The following CDH13 variants were observed in gnomAD, a reference collection of about 807,000 sequenced individuals.
CDH13 encodes cadherin 13, also known as cadherin-13.
Under a neutral mutation model 63.8 loss-of-function variants are expected in CDH13, and 24 were observed. The observed-to-expected ratio is 0.38, with a 90% CI of 0.27 to 0.53. CDH13 has a LOEUF of 0.53. Ranked by LOEUF, CDH13 falls within the 20% of genes least tolerant of loss-of-function variation. CDH13 has a pLI of 0.85. For missense variants in CDH13, 1,049 were observed against 903.1 expected (o/e 1.16, Z -2.07); for synonymous variants, 503 against 355.3 (o/e 1.42, Z -4.67).
intron 2 of CDH13, among the ~76,000 whole-genome samples, chr16:82,938,032 T>G (rs2042722844): frequency 6.6e-6 from 1 of 152,152 alleles, no homozygotes; most frequent in South Asian, 2.1e-4. Context: ...ATTGTTTAAT[T>G]GAAAGAAGAA....
At chr16:83,516,684 C>G (rs536640083) in intron 7 of CDH13, among the ~76,000 whole-genome samples, 1 of 152,224 alleles carries the variant, frequency 6.6e-6, no homozygotes, top group African/African-American at 2.4e-5. Context: ...TAAGTACCTA[C>G]TCTCTTCCAG....
intron 2 of CDH13, among the ~76,000 whole-genome samples, chr16:82,870,303 A>G (rs563326979): frequency 1.3e-5 from 2 of 152,326 alleles, no homozygotes; most frequent in East Asian, 3.9e-4. Context: ...TTTATCCAAA[A>G]GACGGGCAAT....
chr16:83,441,676 T>C (rs1337158714), intron 6 of CDH13, among the ~76,000 whole-genome samples: 1 of 152,092 alleles, frequency 6.6e-6, no homozygotes, highest in Non-Finnish European at 1.5e-5. Flanking sequence ...GCCACCAAGA[T>C]GTCAGTTAGC....
chr16:82,828,716 ACATT>A (rs1469128451), intron 1 of CDH13, among the ~76,000 whole-genome samples: 2 of 152,150 alleles, frequency 1.3e-5, no homozygotes, highest in African/African-American at 2.4e-5. Flanking sequence ...ATACACACAC[ACATT>A]CAAAGAAAAA....
At chr16:83,519,064 C>G (rs994289169) in intron 7 of CDH13, among the ~76,000 whole-genome samples, 1 of 152,160 alleles carries the variant, frequency 6.6e-6, no homozygotes, top group Non-Finnish European at 1.5e-5. Context: ...CTAAACTTTA[C>G]CATTGTTCTT....
chr16:83,668,125 G>T (rs932068339), intron 8 of CDH13, among the ~76,000 whole-genome samples: 4 of 152,148 alleles, frequency 2.6e-5, no homozygotes, highest in African/African-American at 4.8e-5. Context: ...GGCAGAATCA[G>T]GTGTCAGTCA....
At chr16:82,710,433 G>A (rs2031823662) in intron 1 of CDH13, among the ~76,000 whole-genome samples, 1 of 144,262 alleles carries the variant, frequency 6.9e-6, no homozygotes, top group Non-Finnish European at 1.5e-5. Context: ...TCGGGAGGCT[G>A]AGACAGGAGA....
intron 6 of CDH13, among the ~76,000 whole-genome samples, chr16:83,399,804 C>G (rs946218699): frequency 6.6e-6 from 1 of 152,098 alleles, no homozygotes; most frequent in East Asian, 1.9e-4. Context: ...CCATTTTACC[C>G]CCCGCCGCAT....
intron 3 of CDH13, among the ~76,000 whole-genome samples, chr16:83,048,582 T>A (rs182278295): frequency 6.6e-6 from 1 of 152,326 alleles, no homozygotes; most frequent in East Asian, 1.9e-4. Context: ...CCTTGCGGGT[T>A]CCTCTGCTGA....
intron 4 of CDH13, among the ~76,000 whole-genome samples, chr16:83,191,487 A>ATATC (rs2038702892): frequency 9.8e-6 from 1 of 102,540 alleles, no homozygotes; most frequent in Non-Finnish European, 2.0e-5. Context: ...ATATATATAT[A>ATATC]TGCACATATA....
At chr16:83,127,846 T>C (rs190234934) in intron 4 of CDH13, among the ~76,000 whole-genome samples, 1 of 152,298 alleles carries the variant, frequency 6.6e-6, no homozygotes, top group Admixed American at 6.5e-5. Context: ...GATACCTTTC[T>C]CTAAGCAAAA....
intron 3 of CDH13, among the ~76,000 whole-genome samples, chr16:83,051,064 C>T (rs2030273096): frequency 1.3e-5 from 2 of 152,178 alleles, no homozygotes; most frequent in African/African-American, 4.8e-5. Context: ...GTTTATCTTT[C>T]TCCCTTTTCC....
chr16:82,963,301 C>A (rs1486329525), intron 2 of CDH13, among the ~76,000 whole-genome samples: 3 of 152,082 alleles, frequency 2.0e-5, no homozygotes, highest in Admixed American at 6.5e-5. Flanking sequence ...ATCGCTTGAA[C>A]CTGAGAGGCA....
chr16:83,383,218 A>C (rs757478038), intron 6 of CDH13: 2 of 152,206 alleles, frequency 1.3e-5, no homozygotes, highest in African/African-American at 4.8e-5. Flanking sequence ...GAAAAACCAC[A>C]GAAATGATGC....
At chr16:83,020,075 G>C (rs760854214) in intron 2 of CDH13, among the ~76,000 whole-genome samples, 5 of 152,184 alleles carry the variant, frequency 3.3e-5, no homozygotes, top group Non-Finnish European at 5.9e-5. Flanking sequence ...TTTCAGCTCC[G>C]TTATCATCTT....
rs577294372 is a variant in CDH13 at position 83,711,935 on chromosome 16, G to C, written c.1538+33474G>C. Among the ~76,000 whole-genome samples, 8 of 152,330 alleles carry C rather than the reference G, an allele frequency of 5.3e-5. No homozygotes were observed. The East Asian group carries it at 9.6e-4, about 18-fold the overall frequency. ...AATTTAATTTCTTACAATTCTGTAG[G>C]TTAGAAGTCTGAGATCAAGGTGTTG... On this transcript the variant is annotated intron_variant, in intron 10 of 13. Coordinates refer to ENST00000567109, the MANE Select transcript of CDH13 (RefSeq NM_001257.5).
Position 83,486,500 on chromosome 16 carries a change from G to C in CDH13, c.805G>C (p.Ala269Pro). 1 of 1,613,640 alleles carries C rather than the reference G, an allele frequency of 6.2e-7. No homozygotes were observed. The highest frequency in any genetic ancestry group is 1.1e-5 in the South Asian group (1 of 91,072). The part of the protein sequence containing the change: ...PTGTTVMRMT[A>P]FDADDPATDN... ...AGGCACCACAGTGATGCGGATGACA[G>C]CCTTTGATGCAGATGACCCAGCCAC... Residue 269 changes from alanine to proline, a missense_variant, in exon 7 of 14, where the codon GCC (alanine) becomes CCC (proline). Physicochemically the swap from Ala to Pro is conservative, Grantham distance 27 (BLOSUM62 -1). Coordinates refer to ENST00000567109, the MANE Select transcript of CDH13 (RefSeq NM_001257.5).
intron 2 of CDH13, among the ~76,000 whole-genome samples, chr16:83,009,527 A>T (rs970551184): frequency 1.3e-5 from 2 of 152,176 alleles, no homozygotes; most frequent in African/African-American, 4.8e-5. Flanking sequence ...AGATCATCAA[A>T]TTGAGGATCA....
intron 10 of CDH13, among the ~76,000 whole-genome samples, chr16:83,695,844 G>C (rs1033736269): frequency 1.3e-5 from 2 of 152,088 alleles, no homozygotes. Flanking sequence ...CGAACCTTTC[G>C]TGAGTGAAAG....
Sources: allele counts gnomAD v4.1 joint callset (sites outside exome capture counted in the v4.1 genomes callset), GRCh38; gene constraint gnomAD v4.1.1; transcripts MANE v1.5; gene names NCBI Gene and HGNC (gene_info 2026-07-23, HGNC 2026-07-21).